CORO2B: variants seen among roughly 807,000 people sequenced by gnomAD.
CORO2B encodes coronin 2B, also known as coronin-2B.
In CORO2B, 26 loss-of-function variants were observed where a neutral mutation model predicts 58.8. The ratio of observed to expected loss-of-function variants is 0.44; its 90% CI spans 0.32 to 0.61. The LOEUF (loss-of-function observed/expected upper bound fraction) is 0.61, where lower values mean the gene tolerates loss of function less well. Among genes scored for constraint, CORO2B ranks in the 20% least tolerant of loss-of-function variants. The pLI is 0.04. For missense variants in CORO2B, 460 were observed against 645.1 expected (o/e 0.71, Z 3.11); for synonymous variants, 242 against 253.8 (o/e 0.95, Z 0.44).
At chr15:68,556,367 C>T in the CORO2B span, among the ~76,000 whole-genome samples, 1 of 152,128 alleles carries the variant, frequency 6.6e-6, no homozygotes, top group Non-Finnish European at 1.5e-5. Context: ...AGGCACACCT[C>T]TCCATTCTCA....
At chr15:68,709,541 T>C (rs986188603) in intron 3 of CORO2B, among the ~76,000 whole-genome samples, 1 of 142,462 alleles carries the variant, frequency 7.0e-6, no homozygotes, top group African/African-American at 2.6e-5. Flanking sequence ...CACTGTAACC[T>C]CCGCGCCTGG....
At chr15:68,616,233 T>C (rs1422895717) in intron 1 of CORO2B, among the ~76,000 whole-genome samples, 1 of 152,206 alleles carries the variant, frequency 6.6e-6, no homozygotes, top group East Asian at 1.9e-4. Flanking sequence ...AGCCTTCTCA[T>C]AATAATACCC....
upstream of CORO2B, among the ~76,000 whole-genome samples, chr15:68,575,492 G>A (rs966281158): frequency 4.1e-5 from 6 of 146,490 alleles, no homozygotes; most frequent in East Asian, 2.1e-4. Flanking sequence ...CCACCACCGC[G>A]TCTGGCTAAT....
At chr15:68,558,958 C>CGG in the CORO2B span, among the ~76,000 whole-genome samples, 1 of 152,112 alleles carries the variant, frequency 6.6e-6, no homozygotes, top group African/African-American at 2.4e-5. Flanking sequence ...AGGTGACCCA[C>CGG]GCCGGCCACG....
chr15:68,663,937 A>C (rs1227556828), intron 2 of CORO2B, among the ~76,000 whole-genome samples: 1 of 152,234 alleles, frequency 6.6e-6, no homozygotes, highest in Non-Finnish European at 1.5e-5. Flanking sequence ...ACTCACCAGG[A>C]AGATGAAAAT....
chr15:68,688,600 G>GT (rs1369507894), intron 2 of CORO2B, among the ~76,000 whole-genome samples: 2 of 152,170 alleles, frequency 1.3e-5, no homozygotes, highest in African/African-American at 2.4e-5. Flanking sequence ...ACTTGATTCT[G>GT]TTTTACTAAG....
At chr15:68,564,077 A>G in the CORO2B span, among the ~76,000 whole-genome samples, 1 of 152,228 alleles carries the variant, frequency 6.6e-6, no homozygotes, top group Non-Finnish European at 1.5e-5. Context: ...CTGTATGCCA[A>G]TATCTTTTTA....
At chr15:68,643,108 G>A in intron 1 of CORO2B, among the ~76,000 whole-genome samples, 1 of 152,136 alleles carries the variant, frequency 6.6e-6, no homozygotes, top group East Asian at 1.9e-4. Flanking sequence ...TCATGGATTT[G>A]GCATGCAAGT....
chr15:68,549,575 T>C, the CORO2B span, among the ~76,000 whole-genome samples: 6 of 152,080 alleles, frequency 3.9e-5, no homozygotes, highest in Admixed American at 1.3e-4. Context: ...GAAGGGACCA[T>C]GGGGAGGATG....
In CORO2B at chr15:68,645,568, T is replaced by G. The variant is rs1191134577; in HGVS notation, c.216+208T>G. ...CTGGATCCAGGAGACCTGAGATCTC[T>G]TTCCAGAGCTTGCCTAAAGGTATGC... On this transcript the variant is annotated intron_variant, in intron 2 of 11. Coordinates refer to ENST00000261861, the MANE Select transcript of CORO2B (RefSeq NM_006091.5). The surrounding 1 kb of genome is among the most constrained non-coding windows in gnomAD (Gnocchi z 4.5). Among the ~76,000 whole-genome samples, 1 of 152,158 alleles carries G rather than the reference T, an allele frequency of 6.6e-6. No individual in the cohort carries two copies. The highest frequency in any genetic ancestry group is 2.4e-5 in the African/African-American group (1 of 41,442).
chr15:68,665,448 A>G (rs1902162190), intron 2 of CORO2B, among the ~76,000 whole-genome samples: 1 of 151,880 alleles, frequency 6.6e-6, no homozygotes, highest in South Asian at 2.1e-4. Flanking sequence ...TCTCAAACGT[A>G]GTTGGCTCTT....
intron 1 of CORO2B, among the ~76,000 whole-genome samples, chr15:68,582,151 G>T (rs115973758): frequency 1.6e-3 from 245 of 152,310 alleles, no homozygotes; most frequent in African/African-American, 5.6e-3. Context: ...TGCTAAAGCT[G>T]CCGGCAAACC....
intron 8 of CORO2B, 124 bp downstream of exon 8, chr15:68,715,435 G>T: frequency 1.5e-6 from 1 of 679,536 alleles, no homozygotes; most frequent in Non-Finnish European, 2.5e-6. Context: ...TGGGCAAGTT[G>T]GAACAGAACC....
chr15:68,567,792 C>G, the CORO2B span, among the ~76,000 whole-genome samples: 1 of 152,176 alleles, frequency 6.6e-6, no homozygotes, highest in African/African-American at 2.4e-5. Flanking sequence ...GAGGCCAAGG[C>G]AGGTGGATCA....
chr15:68,701,478 A>ATTTTTTTT (rs71145193), intron 3 of CORO2B, among the ~76,000 whole-genome samples: 823 of 38,852 alleles, frequency 0.021, 139 homozygotes, highest in Non-Finnish European at 0.029. Context: ...CGCCCGGCTA[A>ATTTTTTTT]TTTTTTTTTT....
At chr15:68,603,916 G>A (rs1256567476) in intron 1 of CORO2B, among the ~76,000 whole-genome samples, 2 of 152,180 alleles carry the variant, frequency 1.3e-5, no homozygotes, top group Admixed American at 6.5e-5. Context: ...GGCAGAACAT[G>A]GGGAAGAGTG....
rs191654048 is a variant in CORO2B at position 68,710,656 on chromosome 15, C to T, written c.334-76C>T. On this transcript the variant is annotated intron_variant, in intron 3 of 11. Transcript: ENST00000261861. This position sits in a 1 kb window ranked among gnomAD's most constrained non-coding sequence, Gnocchi z 4.1. Reference sequence around the variant, plus strand: ...GGCAGATCTCAGAAAGCCTGGTGTCCGAGGAAAGGGGCACCTCTCATCAAG... The same window carrying T: ...GGCAGATCTCAGAAAGCCTGGTGTCTGAGGAAAGGGGCACCTCTCATCAAG... The T allele has an allele frequency of 9.9e-5, 139 of 1,399,690 alleles. 1 individual carries two copies. In the East Asian group the frequency reaches 2.6e-3, roughly 26 times the overall value. The allele number at this position is 1,399,690 out of a possible 1,614,324, so 86.7% of individuals were successfully genotyped here. A position where few individuals can be genotyped will look rare whatever the true frequency, so the allele number is the denominator to read the frequency against.
chr15:68,579,324 T>TC, intron 1 of CORO2B, 47 bp downstream of exon 1: 1 of 1,259,994 alleles, frequency 7.9e-7, no homozygotes, highest in Admixed American at 3.9e-5. Flanking sequence ...GGCGCCTGCA[T>TC]CCCCCGGGCT....
In CORO2B at chr15:68,652,252, A is replaced by C. The variant is rs139703763; in HGVS notation, c.216+6892A>C. Among the ~76,000 whole-genome samples the C allele has an allele frequency of 8.8e-3, 1,335 of 152,294 alleles. 10 individuals are homozygous for C. Among genetic ancestry groups the C allele is most frequent in the Non-Finnish European group, 0.012 (799 of 68,028 alleles). ...AAGGCCAGTGCCTGTTTTTTCCCCT[A>C]GTTAACATTCAGCTGCCAGCTCTCT... On this transcript the variant is annotated intron_variant, in intron 2 of 11. Coordinates refer to ENST00000261861, the MANE Select transcript of CORO2B (RefSeq NM_006091.5).
Sources: allele counts gnomAD v4.1 joint callset (sites outside exome capture counted in the v4.1 genomes callset), GRCh38; gene constraint gnomAD v4.1.1; non-coding constraint Gnocchi (gnomAD v3.1); transcripts MANE v1.5; gene names NCBI Gene and HGNC (gene_info 2026-07-23, HGNC 2026-07-21).